Variants in ROBO2 observed in about 807,000 individuals in gnomAD.
ROBO2 encodes the protein roundabout guidance receptor 2, also known as roundabout homolog 2.
In ROBO2, 53 loss-of-function variants were observed where a neutral mutation model predicts 160.8. That is an observed-to-expected ratio of 0.33 (90% confidence interval 0.26 to 0.41). ROBO2 has a LOEUF of 0.41. Among genes scored for constraint, ROBO2 ranks in the 10% least tolerant of loss-of-function variants. The pLI is 1.00. For synonymous variants in ROBO2, 664 were observed against 611.7 expected (o/e 1.09, Z -1.26); for missense variants, 1,577 against 1,722.4 (o/e 0.92, Z 1.49).
chr3:77,266,856 C>T (rs2059157054), intron 2 of ROBO2, among the ~76,000 whole-genome samples: 1 of 152,102 alleles, frequency 6.6e-6, no homozygotes, highest in Non-Finnish European at 1.5e-5. Flanking sequence ...CTTGCTCCCT[C>T]TTTACTCTCT....
At chr3:76,802,331 T>A (rs1206212553) in intron 2 of ROBO2, among the ~76,000 whole-genome samples, 3 of 152,210 alleles carry the variant, frequency 2.0e-5, no homozygotes, top group Non-Finnish European at 4.4e-5. Flanking sequence ...GAATAAATGG[T>A]ACATTGTCTT....
chr3:77,336,340 C>A (rs184668874), intron 2 of ROBO2, among the ~76,000 whole-genome samples: 401 of 152,220 alleles, frequency 2.6e-3, no homozygotes, highest in African/African-American at 9.3e-3. Flanking sequence ...ATTTATCCAA[C>A]AAGCAACACG....
intron 2 of ROBO2, among the ~76,000 whole-genome samples, chr3:76,662,183 G>T (rs1339452296): frequency 6.6e-6 from 1 of 152,112 alleles, no homozygotes; most frequent in Non-Finnish European, 1.5e-5. Context: ...GGTCCCTTCA[G>T]TTGGTTGGAG....
At chr3:77,215,678 T>C (rs1045604974) in intron 2 of ROBO2, among the ~76,000 whole-genome samples, 12 of 152,206 alleles carry the variant, frequency 7.9e-5, no homozygotes, top group Non-Finnish European at 1.6e-4. Context: ...TTTCCAGTTT[T>C]TCTGCTCTGT....
At chr3:77,473,279 C>A (rs1465632249) in intron 2 of ROBO2, among the ~76,000 whole-genome samples, 1 of 151,330 alleles carries the variant, frequency 6.6e-6, no homozygotes, top group African/African-American at 2.4e-5. Context: ...GCACCTGTGG[C>A]GGAAGAAAAA....
intron 2 of ROBO2, among the ~76,000 whole-genome samples, chr3:76,476,585 C>T (rs969518366): frequency 8.5e-5 from 13 of 152,160 alleles, no homozygotes; most frequent in African/African-American, 3.1e-4. Flanking sequence ...TTTAGTCACT[C>T]CTCTGTTCCT....
intron 2 of ROBO2, among the ~76,000 whole-genome samples, chr3:76,555,219 C>T (rs1327948612): frequency 2.0e-5 from 3 of 151,848 alleles, no homozygotes; most frequent in East Asian, 1.9e-4. Context: ...TTGCCTAGTG[C>T]TTTCCCAGAG....
intron 2 of ROBO2, among the ~76,000 whole-genome samples, chr3:76,528,098 T>C (rs12488664): frequency 0.3 from 45,733 of 152,138 alleles, 8,512 homozygotes; most frequent in Non-Finnish European, 0.41. Flanking sequence ...TTCTTCATTC[T>C]TAACTCATAC....
At chr3:76,025,536 T>C (rs1289515076) in intron 2 of ROBO2, among the ~76,000 whole-genome samples, 1 of 151,786 alleles carries the variant, frequency 6.6e-6, no homozygotes, top group Non-Finnish European at 1.5e-5. Context: ...TGACCTTTCA[T>C]TTAAACTTTT....
intron 2 of ROBO2, among the ~76,000 whole-genome samples, chr3:77,099,752 G>C (rs2071644846): frequency 6.6e-6 from 1 of 151,920 alleles, no homozygotes; most frequent in Non-Finnish European, 1.5e-5. Context: ...CTTTTATGGT[G>C]AATATGACTG....
chr3:77,588,647 T>A (rs2094112249), intron 16 of ROBO2, 104 bp from the exon 18 acceptor site: 2 of 1,084,080 alleles, frequency 1.8e-6, no homozygotes, highest in Non-Finnish European at 1.4e-6. Context: ...TAAACAAGCA[T>A]TTCCTGCCTT....
chr3:76,609,477 C>A (rs2087914687), intron 2 of ROBO2, among the ~76,000 whole-genome samples: 2 of 151,454 alleles, frequency 1.3e-5, no homozygotes, highest in Admixed American at 6.6e-5. Flanking sequence ...TTTTCTTTGC[C>A]ATTATTATAA....
intron 2 of ROBO2, among the ~76,000 whole-genome samples, chr3:76,220,504 G>A (rs540758765): frequency 2.0e-5 from 3 of 151,986 alleles, no homozygotes; most frequent in Non-Finnish European, 4.4e-5. Context: ...CTGCCCTTCC[G>A]CCTTGTGACG....
At chr3:76,721,649 TCAAATG>T (rs1045664468) in intron 2 of ROBO2, among the ~76,000 whole-genome samples, 2 of 152,200 alleles carry the variant, frequency 1.3e-5, no homozygotes, top group African/African-American at 4.8e-5. Context: ...GGTATAAACT[TCAAATG>T]CAAAACTTTT....
intron 2 of ROBO2, among the ~76,000 whole-genome samples, chr3:77,223,631 C>G (rs984896630): frequency 1.3e-5 from 2 of 152,018 alleles, no homozygotes; most frequent in Non-Finnish European, 2.9e-5. Flanking sequence ...TCTAACAATG[C>G]TTTTAGTAAA....
intron 2 of ROBO2, among the ~76,000 whole-genome samples, chr3:77,030,808 A>G (rs1042705488): frequency 6.6e-6 from 1 of 152,288 alleles, no homozygotes; most frequent in Middle Eastern, 3.4e-3. Context: ...GTATGAACTC[A>G]TCTTCACTGG....
intron 1 of ROBO2, among the ~76,000 whole-genome samples, chr3:75,917,127 C>T (rs563714122): frequency 6.6e-5 from 10 of 152,148 alleles, no homozygotes; most frequent in East Asian, 1.9e-4. Context: ...CCTATCAACC[C>T]GTTATCTAGG....
rs571880268 is a variant in ROBO2 at position 76,395,142 on chromosome 3, C to A, written c.109+457540C>A. Among the ~76,000 whole-genome samples, 614 of 151,926 alleles carry A rather than the reference C, an allele frequency of 4.0e-3. 4 individuals are homozygous for A. Among genetic ancestry groups the A allele is most frequent in the African/African-American group, 0.014 (564 of 41,406 alleles). Reference sequence around the variant, plus strand: ...ACAAACTGTCTCTCAGACCACAGTGCAATCAAACTAGAACTCAGGATTAAG... The same window carrying A: ...ACAAACTGTCTCTCAGACCACAGTGAAATCAAACTAGAACTCAGGATTAAG... On this transcript the variant is annotated intron_variant, in intron 2 of 26. Transcript: ENST00000487694.
chr3:76,377,494 G>A (rs972695282), intron 2 of ROBO2, among the ~76,000 whole-genome samples: 18 of 152,138 alleles, frequency 1.2e-4, no homozygotes, highest in African/African-American at 4.3e-4. Context: ...AATATTACCT[G>A]AGGAAAACTG....
Sources: gnomAD v4.1 joint callset for allele counts (sites outside exome capture counted in the v4.1 genomes callset) on GRCh38, gnomAD v4.1.1 for gene constraint, MANE v1.5 for transcripts, NCBI Gene and HGNC (gene_info 2026-07-23, HGNC 2026-07-21) for gene names.